Variants in DENND1A observed in about 807,000 individuals in gnomAD.
DENND1A encodes DENN domain containing 1A.
Under a neutral mutation model 113.7 loss-of-function variants are expected in DENND1A, and 51 were observed. The ratio of observed to expected loss-of-function variants is 0.45; its 90% CI spans 0.36 to 0.57. The LOEUF (loss-of-function observed/expected upper bound fraction) is 0.57. Ranked by LOEUF, DENND1A falls within the 20% of genes least tolerant of loss-of-function variation. The probability of loss-of-function intolerance (pLI) is 0.00; values close to 1 mark genes in which losing one functional copy is unlikely to be tolerated. For synonymous variants in DENND1A, 565 were observed against 570.8 expected (o/e 0.99, Z 0.14); for missense variants, 1,258 against 1,395.9 (o/e 0.90, Z 1.57).
intron 13 of DENND1A, among the ~76,000 whole-genome samples, chr9:123,468,747 C>G (rs1398427555): frequency 6.6e-6 from 1 of 152,202 alleles, no homozygotes; most frequent in Non-Finnish European, 1.5e-5. Context: ...TACCAGAAAG[C>G]TGAGAGAGTG....
At chr9:123,794,138 C>T (rs1337734844) in intron 2 of DENND1A, among the ~76,000 whole-genome samples, 2 of 152,158 alleles carry the variant, frequency 1.3e-5, no homozygotes, top group Non-Finnish European at 2.9e-5. Context: ...ACTCAGCCCT[C>T]GTGAGAGAGG....
chr9:123,843,062 A>G, intron 2 of DENND1A: 1 of 524,256 alleles, frequency 1.9e-6, no homozygotes, highest in South Asian at 1.5e-5. Flanking sequence ...TCAAAAAACT[A>G]CTTTATACCC....
At chr9:123,504,955 C>G (rs191870397) in intron 13 of DENND1A, among the ~76,000 whole-genome samples, 4 of 152,192 alleles carry the variant, frequency 2.6e-5, no homozygotes, top group African/African-American at 9.7e-5. Context: ...GAAAAGACTA[C>G]AAGAAAGCGG....
At chr9:123,441,865 CAT>C (rs1242720578) in intron 18 of DENND1A, among the ~76,000 whole-genome samples, 1 of 152,208 alleles carries the variant, frequency 6.6e-6, no homozygotes, top group Non-Finnish European at 1.5e-5. Context: ...AAATTCTGCA[CAT>C]GAGAAACTTG....
chr9:123,444,931 CA>C (rs2047189838), intron 18 of DENND1A, among the ~76,000 whole-genome samples: 1 of 152,188 alleles, frequency 6.6e-6, no homozygotes, highest in South Asian at 2.1e-4. Flanking sequence ...AGCTACATAT[CA>C]GGGGCCACCA....
intron 11 of DENND1A, among the ~76,000 whole-genome samples, chr9:123,602,345 T>A (rs1416912316): frequency 1.3e-5 from 2 of 152,162 alleles, no homozygotes; most frequent in African/African-American, 4.8e-5. Context: ...CATATTGGCT[T>A]TTTAATTTAT....
chr9:123,705,714 C>T (rs577613857), intron 5 of DENND1A, among the ~76,000 whole-genome samples: 2 of 152,216 alleles, frequency 1.3e-5, no homozygotes, highest in South Asian at 4.2e-4. Context: ...GGCAGGAAAA[C>T]TCACTAACAT....
intron 2 of DENND1A, among the ~76,000 whole-genome samples, chr9:123,834,864 G>A (rs960158204): frequency 6.6e-6 from 1 of 152,166 alleles, no homozygotes; most frequent in Non-Finnish European, 1.5e-5. Flanking sequence ...GCAGCACTGG[G>A]TCTCCTTCCA....
chr9:123,387,803 C>A lies in DENND1A; in HGVS notation c.1687G>T (p.Asp563Tyr). The A allele has an allele frequency of 7.8e-7, 1 of 1,290,030 alleles. No individual in the cohort carries two copies. Among genetic ancestry groups the A allele is most frequent in the Non-Finnish European group, 1.0e-6 (1 of 988,928 alleles). 79.9% of individuals were successfully genotyped at this position (1,290,030 alleles called of 1,614,324 possible). The change falls in exon 22 of 24, where the codon GAT becomes TAT. Residue 563 changes from aspartate to tyrosine, a missense_variant. By Grantham distance (160) the Asp-to-Tyr change is radical. Transcript: ENST00000394215. The part of the protein sequence containing the change: ...AVFLSEDSSD[D>Y]ECQREEGPSS... The stretch of plus-strand genomic sequence containing the variant: ...GGGCCCTCTTCCCGCTGGCATTCAT[C>A]ATCAGAGGAGTCTTCGGAGAGGAAG...
At chr9:123,847,558 A>G (rs558690457) in intron 2 of DENND1A, among the ~76,000 whole-genome samples, 15 of 152,228 alleles carry the variant, frequency 9.9e-5, no homozygotes, top group Non-Finnish European at 1.9e-4. Context: ...CAAAACTAAG[A>G]TATTTGCCAC....
chr9:123,525,801 T>A (rs1345341819), intron 13 of DENND1A, among the ~76,000 whole-genome samples: 1 of 144,214 alleles, frequency 6.9e-6, no homozygotes, highest in Admixed American at 7.3e-5. Context: ...CTCTGTGACG[T>A]AGGCTGGAGT....
chr9:123,715,980 A>C (rs1239458817), intron 5 of DENND1A, among the ~76,000 whole-genome samples: 6 of 152,152 alleles, frequency 3.9e-5, no homozygotes, highest in African/African-American at 1.4e-4. Context: ...CCGGGTAGGC[A>C]CTGGATCTTA....
chr9:123,559,828 A>T (rs2057634919), intron 12 of DENND1A, among the ~76,000 whole-genome samples: 1 of 152,078 alleles, frequency 6.6e-6, no homozygotes, highest in Non-Finnish European at 1.5e-5. Flanking sequence ...GTCACTCCCC[A>T]TTACCTATCA....
intron 21 of DENND1A, among the ~76,000 whole-genome samples, chr9:123,397,496 A>G (rs1034980512): frequency 3.9e-5 from 6 of 152,202 alleles, no homozygotes; most frequent in African/African-American, 1.4e-4. Flanking sequence ...TATTAATGAA[A>G]ACCTGGAAAG....
At chr9:123,517,392 G>A (rs2054027681) in intron 13 of DENND1A, among the ~76,000 whole-genome samples, 1 of 152,132 alleles carries the variant, frequency 6.6e-6, no homozygotes, top group Non-Finnish European at 1.5e-5. Flanking sequence ...GGCCAAGGTG[G>A]GTGGATCACT....
At chr9:123,511,546 G>A (rs751083904) in intron 13 of DENND1A, among the ~76,000 whole-genome samples, 8 of 152,380 alleles carry the variant, frequency 5.3e-5, no homozygotes, top group South Asian at 4.1e-4. Context: ...TGAGGATGGT[G>A]AAGTTAGCAA....
At chr9:123,411,916 T>G (rs2044335301) in intron 19 of DENND1A, 87 bp from the exon 20 acceptor site, 10 of 924,380 alleles carry the variant, frequency 1.1e-5, no homozygotes, top group Non-Finnish European at 1.3e-5. Flanking sequence ...AGGCACCCAG[T>G]CACCTAAGCC....
intron 8 of DENND1A, among the ~76,000 whole-genome samples, chr9:123,666,014 CA>C (rs1384738948): frequency 6.6e-6 from 1 of 152,176 alleles, no homozygotes; most frequent in African/African-American, 2.4e-5. Context: ...CAGTCAAATT[CA>C]CAGAGACAGA....
At chr9:123,744,935 C>T (rs1212719103) in intron 5 of DENND1A, among the ~76,000 whole-genome samples, 1 of 151,966 alleles carries the variant, frequency 6.6e-6, no homozygotes, top group African/African-American at 2.4e-5. Flanking sequence ...ACCACCATGC[C>T]CAGCTAATTT....
Sources: gnomAD v4.1 joint callset for allele counts (sites outside exome capture counted in the v4.1 genomes callset) on GRCh38, gnomAD v4.1.1 for gene constraint, MANE v1.5 for transcripts, NCBI Gene and HGNC (gene_info 2026-07-23, HGNC 2026-07-21) for gene names.